Variants in SLC44A5 observed in about 807,000 individuals in gnomAD.
The protein encoded by SLC44A5 is choline transporter-like protein 5.
Under a neutral mutation model 101.8 loss-of-function variants are expected in SLC44A5, and 57 were observed. That is an observed-to-expected ratio of 0.56 (90% CI 0.45 to 0.70). SLC44A5 has a LOEUF of 0.70. Among genes scored for constraint, SLC44A5 ranks in the 30% least tolerant of loss-of-function variants. The probability of loss-of-function intolerance (pLI) is 0.00; values close to 1 mark genes in which losing one functional copy is unlikely to be tolerated. For missense variants in SLC44A5, 737 were observed against 853.1 expected (o/e 0.86, Z 1.70); for synonymous variants, 281 against 290.9 (o/e 0.97, Z 0.35).
intron 2 of SLC44A5, among the ~76,000 whole-genome samples, chr1:75,441,204 G>C (rs1261006249): frequency 6.6e-6 from 1 of 152,086 alleles, no homozygotes; most frequent in East Asian, 1.9e-4. Context: ...GTAGAGCAAT[G>C]TTTCTCAAGG....
At chr1:75,422,879 A>G (rs1324323518) in intron 2 of SLC44A5, among the ~76,000 whole-genome samples, 1 of 152,180 alleles carries the variant, frequency 6.6e-6, no homozygotes, top group Admixed American at 6.5e-5. Context: ...GCTGCTTTCT[A>G]TTAGGTTGGT....
intron 2 of SLC44A5, among the ~76,000 whole-genome samples, chr1:75,482,194 C>T (rs1164509199): frequency 1.3e-5 from 2 of 151,600 alleles, no homozygotes; most frequent in Non-Finnish European, 2.9e-5. Context: ...ACCACATGTT[C>T]TCACTCATAG....
chr1:75,506,290 C>T (rs1437595773), intron 2 of SLC44A5, among the ~76,000 whole-genome samples: 1 of 152,110 alleles, frequency 6.6e-6, no homozygotes, highest in Non-Finnish European at 1.5e-5. Context: ...CATGTGATGC[C>T]TCAAGCTTTG....
At chr1:75,546,947 C>A (rs1480261654) in intron 1 of SLC44A5, among the ~76,000 whole-genome samples, 23 of 151,916 alleles carry the variant, frequency 1.5e-4, no homozygotes, top group Admixed American at 1.5e-3. Context: ...TGAAAATACC[C>A]CTTATCACAG....
chr1:75,254,595 A>G (rs1649858388), intron 6 of SLC44A5, among the ~76,000 whole-genome samples: 1 of 152,172 alleles, frequency 6.6e-6, no homozygotes, highest in African/African-American at 2.4e-5. Flanking sequence ...CAAGCTAAGA[A>G]TGTGGAGGAT....
intron 11 of SLC44A5, among the ~76,000 whole-genome samples, chr1:75,235,394 T>C (rs1647984365): frequency 1.3e-5 from 2 of 151,952 alleles, no homozygotes; most frequent in African/African-American, 4.8e-5. Context: ...ATTGTGTGTT[T>C]TGGGGGTGAG....
chr1:75,319,099 G>A (rs909884338), intron 4 of SLC44A5, among the ~76,000 whole-genome samples: 2 of 152,122 alleles, frequency 1.3e-5, no homozygotes, highest in Non-Finnish European at 2.9e-5. Flanking sequence ...CTGACATTTA[G>A]ATGACAAGCT....
At chr1:75,315,509 GA>G (rs2100932888) in intron 4 of SLC44A5, among the ~76,000 whole-genome samples, 1 of 152,150 alleles carries the variant, frequency 6.6e-6, no homozygotes, top group South Asian at 2.1e-4. Context: ...TGGTCTTCTA[GA>G]AAAACCCTCT....
intron 9 of SLC44A5, among the ~76,000 whole-genome samples, chr1:75,241,052 A>C (rs1648580392): frequency 7.0e-6 from 1 of 143,760 alleles, no homozygotes; most frequent in African/African-American, 2.6e-5. Context: ...AAAATATTTC[A>C]TTTAGTGAAT....
In SLC44A5 at chr1:75,222,452, G is replaced by T. The variant is rs764207810; in HGVS notation, c.994C>A (p.Leu332Ile). Reference protein sequence around the residue: ...QQTWFTFMIILCIIEVIVILM... With the variant: ...QQTWFTFMIIICIIEVIVILM... Reference sequence around the variant, plus strand: ...ATGACAATCACTTCAATGATGCAGAGTATTATCACTTTGAACAGGAAAAAA... The same window carrying T: ...ATGACAATCACTTCAATGATGCAGATTATTATCACTTTGAACAGGAAAAAA... Residue 332 changes from leucine (L) to isoleucine (I), a missense_variant, in exon 14 of 24, where the codon CTC becomes ATC. Coordinates refer to ENST00000370859, the MANE Select transcript of SLC44A5 (RefSeq NM_001130058.2). The T allele has an allele frequency of 6.2e-7, 1 of 1,606,462 alleles. No homozygotes were observed. Among genetic ancestry groups the T allele is most frequent in the South Asian group, 1.1e-5 (1 of 90,892 alleles).
chr1:75,264,673 A>G (rs539375345), intron 6 of SLC44A5, among the ~76,000 whole-genome samples: 1 of 152,298 alleles, frequency 6.6e-6, no homozygotes, highest in African/African-American at 2.4e-5. Context: ...TATGGCAGTA[A>G]TGACCTACAT....
chr1:75,233,237 A>G (rs1454111614), intron 12 of SLC44A5, among the ~76,000 whole-genome samples: 1 of 152,158 alleles, frequency 6.6e-6, no homozygotes, highest in African/African-American at 2.4e-5. Flanking sequence ...TTTATGGGGT[A>G]CGCATATAAT....
At chr1:75,556,237 T>G (rs1672210149) in intron 1 of SLC44A5, among the ~76,000 whole-genome samples, 1 of 152,144 alleles carries the variant, frequency 6.6e-6, no homozygotes, top group African/African-American at 2.4e-5. Context: ...GCCCTATGTT[T>G]GTTTCATGGG....
intron 2 of SLC44A5, among the ~76,000 whole-genome samples, chr1:75,412,262 T>G (rs973922247): frequency 2.0e-4 from 30 of 152,146 alleles, no homozygotes; most frequent in African/African-American, 7.2e-4. Flanking sequence ...ATTCAAAAAT[T>G]TTGTTGTTGA....
chr1:75,627,794 G>A, the SLC44A5 span, among the ~76,000 whole-genome samples: 1 of 150,456 alleles, frequency 6.6e-6, no homozygotes, highest in Non-Finnish European at 1.5e-5. Context: ...TTCTTCATTT[G>A]ACAGATTCTA....
the SLC44A5 span, among the ~76,000 whole-genome samples, chr1:75,645,462 G>T: frequency 1.2e-4 from 18 of 151,272 alleles, no homozygotes; most frequent in African/African-American, 3.4e-4. Flanking sequence ...TCGCCCACTT[G>T]TTGATGGGGT....
chr1:75,467,148 A>T (rs571663725), intron 2 of SLC44A5, among the ~76,000 whole-genome samples: 78 of 152,284 alleles, frequency 5.1e-4, no homozygotes, highest in African/African-American at 1.9e-3. Context: ...TCTATAATGA[A>T]AACTATGAAA....
intron 6 of SLC44A5, among the ~76,000 whole-genome samples, chr1:75,254,170 A>T (rs1053305139): frequency 3.3e-5 from 5 of 151,776 alleles, no homozygotes; most frequent in Non-Finnish European, 7.4e-5. Context: ...TTCTGAGTAG[A>T]TGGGATTACA....
chr1:75,409,606 A>C (rs182796742), intron 2 of SLC44A5, among the ~76,000 whole-genome samples: 109 of 152,248 alleles, frequency 7.2e-4, no homozygotes, highest in African/African-American at 2.6e-3. Flanking sequence ...TGGTTGAATA[A>C]ATGAAAATAA....
Sources: gnomAD v4.1 joint callset for allele counts (sites outside exome capture counted in the v4.1 genomes callset) on GRCh38, gnomAD v4.1.1 for gene constraint, MANE v1.5 for transcripts, NCBI Gene and HGNC (gene_info 2026-07-23, HGNC 2026-07-21) for gene names.